The following SCFD1 variants were observed in gnomAD, a reference collection of about 807,000 sequenced individuals.
SCFD1 encodes the protein sec1 family domain containing 1, also known as sec1 family domain-containing protein 1.
SCFD1 carries 37 observed loss-of-function variants against 103.2 expected under a neutral mutation model. The ratio of observed to expected loss-of-function variants is 0.36; its 90% CI spans 0.28 to 0.47. The LOEUF is 0.47. Among genes scored for constraint, SCFD1 ranks in the 20% least tolerant of loss-of-function variants. The probability of loss-of-function intolerance (pLI) is 1.00; values close to 1 mark genes in which losing one functional copy is unlikely to be tolerated. For synonymous variants in SCFD1, 264 were observed against 245.0 expected (o/e 1.08, Z -0.73); for missense variants, 639 against 761.2 (o/e 0.84, Z 1.89).
rs1290207746 is a variant in SCFD1, at chr14:30,735,637, A to G, written c.*28A>G. 1.9e-6 allele frequency: 3 copies of G among 1,550,054 alleles called. No homozygotes were observed. Among genetic ancestry groups the G allele is most frequent in the South Asian group, 2.4e-5 (2 of 85,058 alleles). ...CAGAAGAACCTTACTATGATAATCT[A>G]CTTGGAATGTGGATAAATGTAAAAA... On this transcript the variant is annotated 3_prime_UTR_variant, in exon 25 of 25. Coordinates refer to ENST00000458591, the MANE Select transcript of SCFD1 (RefSeq NM_016106.4).
At chr14:30,627,377 A>G (rs1029504715) in intron 1 of SCFD1, among the ~76,000 whole-genome samples, 4 of 152,240 alleles carry the variant, frequency 2.6e-5, no homozygotes, top group African/African-American at 7.2e-5. Flanking sequence ...ATACTCTTAC[A>G]TAACTATAGA....
intron 1 of SCFD1, among the ~76,000 whole-genome samples, chr14:30,626,764 A>G (rs1315163104): frequency 6.6e-6 from 1 of 152,104 alleles, no homozygotes. Flanking sequence ...AAACATGGGT[A>G]TCTTCCCCAC....
At chr14:30,658,920 G>T (rs1413037522) in intron 10 of SCFD1, among the ~76,000 whole-genome samples, 1 of 152,114 alleles carries the variant, frequency 6.6e-6, no homozygotes, top group Non-Finnish European at 1.5e-5. Context: ...AGTCAAAAGT[G>T]TAATGTAAAC....
rs774494038 is a variant in SCFD1, at chr14:30,638,112, A to G, written c.313-13A>G. On this transcript the variant is annotated splice_polypyrimidine_tract_variant and intron_variant, in intron 4 of 24. Coordinates refer to ENST00000458591, the MANE Select transcript of SCFD1 (RefSeq NM_016106.4). The stretch of plus-strand genomic sequence containing the variant: ...TTTATCCTATAAGAATAAAGTTTTC[A>G]TTGTATTGATAGGATCTTCGAAATC... The G allele has an allele frequency of 3.8e-6, 6 of 1,579,906 alleles. No individual in the cohort carries two copies. The highest frequency in any genetic ancestry group is 5.1e-6 in the Non-Finnish European group (6 of 1,166,912).
At chr14:30,703,942 TATATATATATATATATATATAA>T (rs1405217301) in intron 17 of SCFD1, among the ~76,000 whole-genome samples, 1,132 of 60,280 alleles carry the variant, frequency 0.019, 61 homozygotes, top group African/African-American at 0.13. Flanking sequence ...TATATATATA[TATATATATATATATATATATAA>T]ATAATGAGAT....
intron 6 of SCFD1, among the ~76,000 whole-genome samples, 174 bp from the exon 7 acceptor site, chr14:30,643,142 C>T (rs191593482): frequency 1.3e-5 from 2 of 152,128 alleles, no homozygotes; most frequent in African/African-American, 4.8e-5. Flanking sequence ...CTCTGCACTC[C>T]CTCCTGGGTG....
rs1566646015 is a variant in SCFD1 at position 30,703,959 on chromosome 14, AT to A, written c.1490+1585del. On this transcript the variant is annotated intron_variant, in intron 17 of 24. Coordinates refer to ENST00000458591, the MANE Select transcript of SCFD1 (RefSeq NM_016106.4). ...TATATATATATATATATATATATAT[AT>A]ATAAATAATGAGATATCTTGGGGAT... Among the ~76,000 whole-genome samples, 252 of 49,626 alleles carry A rather than the reference AT, an allele frequency of 5.1e-3. 7 individuals carry two copies. The highest frequency in any genetic ancestry group is 0.029 in the African/African-American group (96 of 3,316). The allele number at this position is 49,626 out of a possible 152,430, so 32.6% of individuals were successfully genotyped here. A position where few individuals can be genotyped will look rare whatever the true frequency, so the allele number is the denominator to read the frequency against.
At position 30,679,858 on chromosome 14, in the gene SCFD1, A is replaced by T. The variant is rs145042014; in HGVS notation, c.1242+4793A>T. ...TGCATATCAAGTGAAAGTTCTTATTACCTTGGTGTCTTTTCTTTAAGACAG... is the reference window on the plus strand; with the variant it reads ...TGCATATCAAGTGAAAGTTCTTATTTCCTTGGTGTCTTTTCTTTAAGACAG... On this transcript the variant is annotated intron_variant, in intron 14 of 24. Coordinates refer to ENST00000458591, the MANE Select transcript of SCFD1 (RefSeq NM_016106.4). Among the ~76,000 whole-genome samples, 556 of 152,254 alleles carry T rather than the reference A, an allele frequency of 3.7e-3. 7 individuals carry two copies. The highest frequency in any genetic ancestry group is 0.013 in the African/African-American group (526 of 41,548).
intron 14 of SCFD1, 73 bp downstream of exon 14, chr14:30,675,138 A>G (rs1415023023): frequency 2.1e-5 from 15 of 711,826 alleles, no homozygotes; most frequent in Non-Finnish European, 3.2e-5. Flanking sequence ...AAGATGCTTT[A>G]GTATTCATTA....
intron 10 of SCFD1, among the ~76,000 whole-genome samples, chr14:30,663,351 T>A (rs1594641118): frequency 6.6e-6 from 1 of 152,330 alleles, no homozygotes; most frequent in East Asian, 1.9e-4. Context: ...ATCTTTTATT[T>A]TGTTAGATAG....
At chr14:30,665,747 T>G (rs1355648675) in intron 10 of SCFD1, among the ~76,000 whole-genome samples, 1 of 151,824 alleles carries the variant, frequency 6.6e-6, no homozygotes, top group Non-Finnish European at 1.5e-5. Context: ...GCAATCCTAG[T>G]CTATGATAAA....
intron 14 of SCFD1, among the ~76,000 whole-genome samples, chr14:30,681,326 A>G (rs953923796): frequency 3.9e-5 from 6 of 152,128 alleles, no homozygotes; most frequent in Non-Finnish European, 8.8e-5. Flanking sequence ...CCACGGAAAT[A>G]TCATAAAGCA....
intron 14 of SCFD1, among the ~76,000 whole-genome samples, chr14:30,691,109 A>G (rs932230417): frequency 2.0e-5 from 3 of 151,986 alleles, no homozygotes; most frequent in African/African-American, 2.4e-5. Context: ...AATTTTCCCT[A>G]TTTTCTGTGG....
chr14:30,683,366 CT>C (rs1889651315), intron 14 of SCFD1: 1 of 562,594 alleles, frequency 1.8e-6, no homozygotes. Context: ...AGAGCTTATG[CT>C]TATACCTCAG....
intron 14 of SCFD1, among the ~76,000 whole-genome samples, chr14:30,694,445 G>A (rs539187244): frequency 2.0e-5 from 3 of 152,174 alleles, no homozygotes; most frequent in Admixed American, 2.0e-4. Context: ...GCTGAGACGG[G>A]CAGATTGCTT....
chr14:30,631,657 T>C (rs1884146981), intron 3 of SCFD1, among the ~76,000 whole-genome samples: 1 of 152,212 alleles, frequency 6.6e-6, no homozygotes, highest in African/African-American at 2.4e-5. Flanking sequence ...CTATCTGTGT[T>C]GTCTTAACTG....
intron 21 of SCFD1, 92 bp from the exon 22 acceptor site, chr14:30,721,792 C>A: frequency 9.7e-7 from 1 of 1,031,914 alleles, no homozygotes; most frequent in Non-Finnish European, 1.5e-6. Flanking sequence ...AAATACTTAC[C>A]TAATAGTGCA....
chr14:30,694,007 C>T (rs779220882), intron 14 of SCFD1, among the ~76,000 whole-genome samples: 3 of 152,000 alleles, frequency 2.0e-5, no homozygotes, highest in Non-Finnish European at 4.4e-5. Context: ...TACTACGTTT[C>T]CGTTATCTTA....
intron 23 of SCFD1, among the ~76,000 whole-genome samples, chr14:30,724,220 A>G (rs1387185653): frequency 9.5e-6 from 1 of 105,570 alleles, no homozygotes; most frequent in Non-Finnish European, 2.0e-5. Flanking sequence ...GAAAATGTTC[A>G]TGTCCTTTGC....
Sources: allele counts gnomAD v4.1 joint callset (sites outside exome capture counted in the v4.1 genomes callset), GRCh38; gene constraint gnomAD v4.1.1; transcripts MANE v1.5; gene names NCBI Gene and HGNC (gene_info 2026-07-23, HGNC 2026-07-21).